The following ITPRID2 variants were observed in gnomAD, a reference collection of about 807,000 sequenced individuals.
ITPRID2 encodes the protein protein ITPRID2.
Under a neutral mutation model 124.3 loss-of-function variants are expected in ITPRID2, and 60 were observed. The ratio of observed to expected loss-of-function variants is 0.48; its 90% CI spans 0.39 to 0.60. ITPRID2 has a LOEUF of 0.60. Ranked by LOEUF, ITPRID2 falls within the 20% of genes least tolerant of loss-of-function variation. ITPRID2 has a pLI of 0.00. For synonymous variants in ITPRID2, 521 were observed against 542.9 expected (o/e 0.96, Z 0.56); for missense variants, 1,553 against 1,512.2 (o/e 1.03, Z -0.45).
chr2:181,910,547 C>A lies in ITPRID2; in HGVS notation c.1486+576C>A, dbSNP rs1035899737. ...TTTTAACTTGCAACAACAACAACAA[C>A]AAAAATGTGTGATCTTTGGATTTAC... is the stretch of plus-strand genomic sequence containing the variant. On this transcript the variant is annotated intron_variant, in intron 9 of 17. Transcript: ENST00000431877. The surrounding 1 kb of genome is among the most constrained non-coding windows in gnomAD (Gnocchi z 4.1). 4.5e-5 allele frequency: 30 copies of A among 669,510 alleles called. No homozygotes were observed. Among genetic ancestry groups the A allele is most frequent in the Non-Finnish European group, 7.9e-5 (29 of 368,688 alleles). 41.5% of individuals were successfully genotyped at this position (669,510 alleles called of 1,614,324 possible).
At chr2:181,929,187 A>G (rs185689494) in intron 17 of ITPRID2, among the ~76,000 whole-genome samples, 14 of 151,654 alleles carry the variant, frequency 9.2e-5, no homozygotes, top group Non-Finnish European at 1.6e-4. Context: ...CTCTAACTTC[A>G]TTTTATATAA....
chr2:181,913,940 T>C lies in ITPRID2; in HGVS notation c.1575+7T>C, dbSNP rs1693829435. On this transcript the variant is annotated splice_region_variant and intron_variant, in intron 10 of 17. Transcript: ENST00000431877. The stretch of plus-strand genomic sequence containing the variant: ...ATCCCTTAATCATCTTCAGGTAAAA[T>C]TTTCTGTTCTAATAGGCACTATGAT... 6.2e-7 allele frequency: 1 copy of C among 1,605,666 alleles called. No homozygotes were observed. Among genetic ancestry groups the C allele is most frequent in the Admixed American group, 1.7e-5 (1 of 59,556 alleles).
intron 6 of ITPRID2, 149 bp from the exon 7 acceptor site, chr2:181,900,547 G>T: frequency 3.1e-6 from 2 of 635,722 alleles, no homozygotes; most frequent in Non-Finnish European, 5.4e-6. Context: ...GTGTAAACAT[G>T]GTAAAATAAA....
At position 181,892,282 on chromosome 2, in the gene ITPRID2, G is replaced by A. The variant is rs1217506018; in HGVS notation, c.211+5G>A. 2 of 1,544,144 alleles carry A rather than the reference G, an allele frequency of 1.3e-6. No homozygotes were observed. The highest frequency in any genetic ancestry group is 1.7e-6 in the Non-Finnish European group (2 of 1,144,276). On this transcript the variant is annotated splice_donor_5th_base_variant and intron_variant, in intron 1 of 17. Coordinates refer to ENST00000431877, the MANE Select transcript of ITPRID2 (RefSeq NM_001130445.3). The surrounding 1 kb of genome is among the most constrained non-coding windows in gnomAD (Gnocchi z 5.2). ...TGCCGGCAGCGGGGGGAAGAGGTCG[G>A]TGCTCCCGGCCGGGCTCCGGGGGGA...
At position 181,910,441 on chromosome 2, in the gene ITPRID2, G is replaced by A. The variant is rs899057692; in HGVS notation, c.1486+470G>A. On this transcript the variant is annotated intron_variant, in intron 9 of 17. Coordinates refer to ENST00000431877, the MANE Select transcript of ITPRID2 (RefSeq NM_001130445.3). The surrounding 1 kb of genome is among the most constrained non-coding windows in gnomAD (Gnocchi z 4.1). ...GCTAGTTAAATTCAAACTATGGGTCGAAGGTGAGTGGTTGTAGATACTGTT... is the reference window on the plus strand; with the variant it reads ...GCTAGTTAAATTCAAACTATGGGTCAAAGGTGAGTGGTTGTAGATACTGTT... 2.4e-5 allele frequency: 13 copies of A among 532,226 alleles called. No individual in the cohort carries two copies. The highest frequency in any genetic ancestry group is 9.9e-5 in the African/African-American group (5 of 50,626). The allele number at this position is 532,226 out of a possible 1,614,324, so 33.0% of individuals were successfully genotyped here.
chr2:181,923,679 A>T (rs1694650787), intron 16 of ITPRID2, among the ~76,000 whole-genome samples: 1 of 148,536 alleles, frequency 6.7e-6, no homozygotes. Flanking sequence ...TTTTAAGGTA[A>T]TTTTTTTTTT....
chr2:181,916,752 T>C, intron 11 of ITPRID2: 2 of 843,448 alleles, frequency 2.4e-6, no homozygotes, highest in Admixed American at 9.8e-5. Flanking sequence ...TTGTCATTTC[T>C]ATTATTAAAA....
chr2:181,895,733 C>G (rs1692147618), intron 2 of ITPRID2, among the ~76,000 whole-genome samples: 1 of 151,956 alleles, frequency 6.6e-6, no homozygotes. Context: ...GTCATTCTCT[C>G]TTTTTTGCAA....
At chr2:181,897,631 T>A (rs950996014) in intron 4 of ITPRID2, among the ~76,000 whole-genome samples, 4 of 151,992 alleles carry the variant, frequency 2.6e-5, no homozygotes, top group African/African-American at 9.7e-5. Flanking sequence ...AAAAGCTATT[T>A]TATAGCTCAT....
In ITPRID2 at chr2:181,892,739, G is replaced by GATTTTAAT. The variant is rs1691854098; in HGVS notation, c.257+79_257+80insATTTTAAT. ...GCCGGAGCAGAGCCACTCGGGCCGC[G>GATTTTAAT]TCCCTGTGGGTCCCGCGACCGTTGT... is the stretch of plus-strand genomic sequence containing the variant. On this transcript the variant is annotated intron_variant, in intron 2 of 17. Transcript: ENST00000431877. The surrounding 1 kb of genome is among the most constrained non-coding windows in gnomAD (Gnocchi z 5.2). 6.5e-7 allele frequency: 1 copy of GATTTTAAT among 1,527,320 alleles called. No homozygotes were observed. The highest frequency in any genetic ancestry group is 1.4e-5 in the African/African-American group (1 of 73,054). The allele number at this position is 1,527,320 out of a possible 1,614,324, so 94.6% of individuals were successfully genotyped here.
intron 8 of ITPRID2, among the ~76,000 whole-genome samples, chr2:181,904,382 G>T (rs1288751459): frequency 1.3e-5 from 2 of 151,914 alleles, no homozygotes; most frequent in African/African-American, 4.8e-5. Context: ...TAAATATGGG[G>T]AATTTTAAAG....
rs1285850447 is a variant in ITPRID2 at position 181,896,374 on chromosome 2, T to G, written c.307+295T>G. Among the ~76,000 whole-genome samples, 2 of 151,972 alleles carry G rather than the reference T, an allele frequency of 1.3e-5. No homozygotes were observed. Among genetic ancestry groups the G allele is most frequent in the Non-Finnish European group, 2.9e-5 (2 of 67,846 alleles). On this transcript the variant is annotated intron_variant, in intron 3 of 17. Transcript: ENST00000431877. This position sits in a 1 kb window ranked among gnomAD's most constrained non-coding sequence, Gnocchi z 4.3. Reference sequence around the variant, plus strand: ...ATGCAAATATAAGGAAAATACTTATTGAGTGAACAAAAGTTTAGTCAACTT... The same window carrying G: ...ATGCAAATATAAGGAAAATACTTATGGAGTGAACAAAAGTTTAGTCAACTT...
At chr2:181,914,740 G>A (rs964765948) in intron 10 of ITPRID2, among the ~76,000 whole-genome samples, 3 of 152,190 alleles carry the variant, frequency 2.0e-5, no homozygotes, top group Admixed American at 2.0e-4. Context: ...ATAACCGTAA[G>A]AGAAGAACTG....
Position 181,920,935 on chromosome 2 carries a change from T to A in ITPRID2, c.3210+273T>A, listed in dbSNP as rs374635182. On this transcript the variant is annotated intron_variant, in intron 15 of 17. Coordinates refer to ENST00000431877, the MANE Select transcript of ITPRID2 (RefSeq NM_001130445.3). ...TGGCTCATGCCTGTAATCCCAGCAC[T>A]TTATTTAAATGGTTGAGGTGGAAGG... 7.9e-5 allele frequency among the ~76,000 whole-genome samples: 12 copies of A among 152,198 alleles called. No individual in the cohort carries two copies. In the South Asian group the frequency reaches 2.5e-3, roughly 32 times the overall value.
Position 181,919,644 on chromosome 2 carries a change from T to C in ITPRID2, c.3144+198T>C, listed in dbSNP as rs528062544. On this transcript the variant is annotated intron_variant, in intron 14 of 17. Transcript: ENST00000431877. The surrounding 1 kb of genome is among the most constrained non-coding windows in gnomAD (Gnocchi z 4.2). The stretch of plus-strand genomic sequence containing the variant: ...GTCATAAATAGTATATTTAGAAATA[T>C]GTTGAAAATTTTTAATGATAAATTT... 2.6e-5 allele frequency among the ~76,000 whole-genome samples: 4 copies of C among 152,028 alleles called. No individual in the cohort carries two copies. The highest frequency in any genetic ancestry group is 5.9e-5 in the Non-Finnish European group (4 of 68,034).
Position 181,902,417 on chromosome 2 carries a change from C to G in ITPRID2, c.1364C>G (p.Ser455Cys), listed in dbSNP as rs777209703. Residue 455 changes from serine (S) to cysteine (C), a missense_variant, in exon 8 of 18, where the codon TCC (serine) becomes TGC (cysteine). Physicochemically the swap from Ser to Cys is moderately radical, Grantham distance 112 (BLOSUM62 -1). Transcript: ENST00000431877. This position sits in a 1 kb window ranked among gnomAD's most constrained non-coding sequence, Gnocchi z 4.4. ...CCTTGTGCACCACTGACAATACCAT[C>G]CATAAGAAATATAATGACACAGCAG... ...KEPCAPLTIPSIRNIMTQQKD... is the reference protein window; with the variant it reads ...KEPCAPLTIPCIRNIMTQQKD... 6.2e-7 allele frequency: 1 copy of G among 1,606,458 alleles called. No homozygotes were observed. The highest frequency in any genetic ancestry group is 8.5e-7 in the Non-Finnish European group (1 of 1,177,826).
rs750687927 is a variant in ITPRID2 at position 181,913,947 on chromosome 2, T to C, written c.1575+14T>C. The C allele has an allele frequency of 1.8e-5, 28 of 1,578,832 alleles. No individual in the cohort carries two copies. The highest frequency in any genetic ancestry group is 2.4e-5 in the Non-Finnish European group (28 of 1,150,294). On this transcript the variant is annotated intron_variant, in intron 10 of 17. Transcript: ENST00000431877. ...AATCATCTTCAGGTAAAATTTTCTG[T>C]TCTAATAGGCACTATGATTAACTTC...
Position 181,929,598 on chromosome 2 carries a change from T to C in ITPRID2, c.*51T>C. The stretch of plus-strand genomic sequence containing the variant: ...CCTATTAGCTGTGTAATACTGGAAT[T>C]ATCAATGATATGCACTGGTGGAGGT... On this transcript the variant is annotated 3_prime_UTR_variant, in exon 18 of 18. Coordinates refer to ENST00000431877, the MANE Select transcript of ITPRID2 (RefSeq NM_001130445.3). 6.2e-7 allele frequency: 1 copy of C among 1,613,256 alleles called. No individual in the cohort carries two copies. The highest frequency in any genetic ancestry group is 1.1e-5 in the South Asian group (1 of 91,036).
At chr2:181,912,355 G>T (rs890054923) in intron 9 of ITPRID2, among the ~76,000 whole-genome samples, 1 of 152,152 alleles carries the variant, frequency 6.6e-6, no homozygotes, top group Non-Finnish European at 1.5e-5. Context: ...TGCCTTATCA[G>T]TACTGGTGGT....
Sources: allele counts gnomAD v4.1 joint callset (sites outside exome capture counted in the v4.1 genomes callset), GRCh38; gene constraint gnomAD v4.1.1; non-coding constraint Gnocchi (gnomAD v3.1); transcripts MANE v1.5; gene names NCBI Gene and HGNC (gene_info 2026-07-23, HGNC 2026-07-21).